The following FBXO38 variants were observed in gnomAD, a reference collection of about 807,000 sequenced individuals.
FBXO38 encodes F-box protein 38.
In FBXO38, 53 loss-of-function variants were observed where a neutral mutation model predicts 131.9. That is an observed-to-expected ratio of 0.40 (90% confidence interval 0.32 to 0.51). FBXO38 has a LOEUF of 0.51. Ranked by LOEUF, FBXO38 falls within the 20% of genes least tolerant of loss-of-function variation. The pLI, the probability that FBXO38 is intolerant of heterozygous loss-of-function variation, is 0.53. For missense variants in FBXO38, 1,076 were observed against 1,475.6 expected (o/e 0.73, Z 4.44); for synonymous variants, 452 against 505.6 (o/e 0.89, Z 1.42).
intron 13 of FBXO38, among the ~76,000 whole-genome samples, chr5:148,424,696 T>G (rs1011789063): frequency 3.9e-5 from 6 of 152,266 alleles, no homozygotes; most frequent in Non-Finnish European, 7.4e-5. Flanking sequence ...TTGAGAAAAC[T>G]GAAGTTTTCT....
intron 5 of FBXO38, among the ~76,000 whole-genome samples, chr5:148,403,184 G>T (rs1237441432): frequency 3.3e-5 from 5 of 151,986 alleles, no homozygotes; most frequent in Non-Finnish European, 7.4e-5. Context: ...GCTCCTTAAG[G>T]TCAAAGACTT....
In FBXO38 at chr5:148,399,136, A is replaced by G. The variant is rs184238855; in HGVS notation, c.262+4A>G. 2 of 1,612,634 alleles carry G rather than the reference A, an allele frequency of 1.2e-6. No individual in the cohort carries two copies. Among genetic ancestry groups the G allele is most frequent in the Non-Finnish European group, 1.7e-6 (2 of 1,179,226 alleles). On this transcript the variant is annotated splice_donor_region_variant and intron_variant, in intron 3 of 21. Coordinates refer to ENST00000340253, the MANE Select transcript of FBXO38 (RefSeq NM_205836.3). Reference sequence around the variant, plus strand: ...TGGTGGGAATACATGCCAAGTGGTAAGTGGATTTAGTCTGTGAAGTACAGT... The same window carrying G: ...TGGTGGGAATACATGCCAAGTGGTAGGTGGATTTAGTCTGTGAAGTACAGT...
At chr5:148,402,173 C>A in intron 4 of FBXO38, 28 bp downstream of exon 4, 1 of 1,589,604 alleles carries the variant, frequency 6.3e-7, no homozygotes, top group Non-Finnish European at 8.6e-7. Flanking sequence ...AACATTTTGG[C>A]ATCAACTGTT....
chr5:148,395,745 T>G (rs1172162972), intron 2 of FBXO38, among the ~76,000 whole-genome samples: 13 of 152,098 alleles, frequency 8.5e-5, no homozygotes, highest in Admixed American at 7.9e-4. Context: ...GTTATTCTGC[T>G]TTTTTTCATA....
intron 15 of FBXO38, among the ~76,000 whole-genome samples, chr5:148,428,895 T>TGAA: frequency 6.6e-6 from 1 of 152,250 alleles, no homozygotes. Context: ...TTTTATGCTT[T>TGAA]GCAAACAGTG....
chr5:148,438,866 CAT>C (rs1304597650), intron 18 of FBXO38, among the ~76,000 whole-genome samples: 14 of 152,124 alleles, frequency 9.2e-5, no homozygotes, highest in Admixed American at 2.0e-4. Flanking sequence ...AACTCTAAAA[CAT>C]GTGCTAGTAT....
At chr5:148,421,859 A>G (rs1753453577) in intron 12 of FBXO38, among the ~76,000 whole-genome samples, 1 of 152,148 alleles carries the variant, frequency 6.6e-6, no homozygotes, top group Non-Finnish European at 1.5e-5. Context: ...CACTAGCCCA[A>G]AGGCACCATC....
rs1178657177 is a variant in FBXO38, at chr5:148,409,112, C to A, written c.869-12C>A. ...CTATGGTCAAACACTTGTTTTTGTTCCTCGTCTTTAGGTGGTTTTAGAAAT... is the reference window on the plus strand; with the variant it reads ...CTATGGTCAAACACTTGTTTTTGTTACTCGTCTTTAGGTGGTTTTAGAAAT... On this transcript the variant is annotated splice_polypyrimidine_tract_variant and intron_variant, in intron 7 of 21. Coordinates refer to ENST00000340253, the MANE Select transcript of FBXO38 (RefSeq NM_205836.3). The A allele has an allele frequency of 3.9e-6, 6 of 1,545,240 alleles. No individual in the cohort carries two copies. In the African/African-American group the frequency reaches 8.2e-5, roughly 21 times the overall value.
chr5:148,391,184 G>C (rs547538212), intron 1 of FBXO38, among the ~76,000 whole-genome samples: 20 of 152,308 alleles, frequency 1.3e-4, no homozygotes, highest in Middle Eastern at 3.4e-3. Context: ...GAATGCTGTG[G>C]TAGCAAACGT....
chr5:148,409,607 C>A (rs1364054905), intron 8 of FBXO38, among the ~76,000 whole-genome samples: 1 of 152,196 alleles, frequency 6.6e-6, no homozygotes, highest in Non-Finnish European at 1.5e-5. Context: ...ATAATATTTG[C>A]TATTCAGAAA....
Position 148,427,635 on chromosome 5 carries a change from C to T in FBXO38, c.2341C>T (p.Pro781Ser), listed in dbSNP as rs116266000. ...SVCPRCCCHR[P>S]QESQRRTSRC... ...CTGCCCCAGATGCTGCTGTCACAGG[C>T]CCCAGGAATCCCAAAGGAGAACTAG... The change falls in exon 15 of 22, where the codon CCC becomes TCC. Residue 781 changes from proline to serine, a missense_variant. Transcript: ENST00000340253. 2.2e-3 allele frequency: 3,498 copies of T among 1,614,140 alleles called. 10 individuals carry two copies. The highest frequency in any genetic ancestry group is 2.7e-3 in the Non-Finnish European group (3,225 of 1,180,014).
chr5:148,401,940 C>T, intron 3 of FBXO38, 42 bp from the exon 4 acceptor site: 1 of 1,531,016 alleles, frequency 6.5e-7, no homozygotes. Flanking sequence ...TGTTAATGAA[C>T]AGAAAGATGA....
At chr5:148,389,084 G>A (rs1372846446) in intron 1 of FBXO38, among the ~76,000 whole-genome samples, 1 of 152,222 alleles carries the variant, frequency 6.6e-6, no homozygotes, top group Non-Finnish European at 1.5e-5. Context: ...GAGGGACAGA[G>A]ATAGGAAGAA....
In FBXO38 at chr5:148,391,316, CTTG is replaced by C. The variant is rs551966364; in HGVS notation, c.-63-3393_-63-3391del. ...TTTGAGGATATATTGTGAGCAAGGA[CTTG>C]TTGTCACCTAGAGGCAAGATTTTTT... On this transcript the variant is annotated intron_variant, in intron 1 of 21. Coordinates refer to ENST00000340253, the MANE Select transcript of FBXO38 (RefSeq NM_205836.3). Among the ~76,000 whole-genome samples the C allele has an allele frequency of 2.6e-3, 400 of 152,260 alleles. 1 individual carries two copies. The highest frequency in any genetic ancestry group is 8.7e-3 in the African/African-American group (361 of 41,544).
chr5:148,410,037 C>T (rs529623276), intron 8 of FBXO38, among the ~76,000 whole-genome samples: 10 of 152,174 alleles, frequency 6.6e-5, no homozygotes, highest in Non-Finnish European at 1.0e-4. Context: ...TGTATAGCTT[C>T]AGTGTACTGC....
chr5:148,441,017 GACTC>G (rs1754653860), intron 20 of FBXO38, 103 bp from the exon 21 acceptor site: 1 of 768,838 alleles, frequency 1.3e-6, no homozygotes, highest in Admixed American at 2.0e-5. Flanking sequence ...GAGGACACCT[GACTC>G]ACTCTCTTTA....
At chr5:148,385,332 A>C (rs1204661719) in intron 1 of FBXO38, among the ~76,000 whole-genome samples, 1 of 152,216 alleles carries the variant, frequency 6.6e-6, no homozygotes, top group Non-Finnish European at 1.5e-5. Flanking sequence ...AGTCAAACAG[A>C]TACTAATGCA....
In FBXO38 at chr5:148,439,152, C is replaced by T. The variant is rs377500459; in HGVS notation, c.3025-495C>T. On this transcript the variant is annotated intron_variant, in intron 18 of 21. Transcript: ENST00000340253. ...AAAAAGGAGACAAACACTTATGCCA[C>T]GCAGATGGCCGAGTGAGATTTCATA... is the stretch of plus-strand genomic sequence containing the variant. Among the ~76,000 whole-genome samples, 15 of 152,216 alleles carry T rather than the reference C, an allele frequency of 9.9e-5. 1 individual carries two copies. The South Asian group carries it at 1.2e-3, about 13-fold the overall frequency.
chr5:148,424,907 G>A (rs1366113825), intron 13 of FBXO38, among the ~76,000 whole-genome samples: 1 of 152,156 alleles, frequency 6.6e-6, no homozygotes, highest in Non-Finnish European at 1.5e-5. Flanking sequence ...TTGGTCACTT[G>A]TCAGAGAGAA....
Sources: allele counts gnomAD v4.1 joint callset (sites outside exome capture counted in the v4.1 genomes callset), GRCh38; gene constraint gnomAD v4.1.1; transcripts MANE v1.5; gene names NCBI Gene and HGNC (gene_info 2026-07-23, HGNC 2026-07-21).